KSR2: variants seen among roughly 807,000 people sequenced by gnomAD.
The protein encoded by KSR2 is kinase suppressor of ras 2.
In KSR2, 25 loss-of-function variants were observed where a neutral mutation model predicts 107.8. The observed-to-expected ratio is 0.23, with a 90% CI of 0.17 to 0.32. The LOEUF is 0.32. Ranked by LOEUF, KSR2 falls within the 10% of genes least tolerant of loss-of-function variation. KSR2 has a pLI of 1.00. For missense variants in KSR2, 887 were observed against 1,268.9 expected, an observed-to-expected ratio of 0.70 and a Z score of 4.57; for synonymous variants, 480 against 507.0, an observed-to-expected ratio of 0.95 and a Z score of 0.71.
At chr12:117,469,324 C>T (rs1871304039) in intron 19 of KSR2, among the ~76,000 whole-genome samples, 1 of 152,164 alleles carries the variant, frequency 6.6e-6, no homozygotes, top group Admixed American at 6.5e-5. Context: ...GAGGGGTACT[C>T]TGAATACCTG....
chr12:117,516,801 G>A (rs748669208), intron 14 of KSR2, among the ~76,000 whole-genome samples: 10 of 152,090 alleles, frequency 6.6e-5, no homozygotes, highest in Non-Finnish European at 1.2e-4. Context: ...CAGGGTTGCT[G>A]GTATGAGTCT....
At chr12:117,503,689 G>A (rs1873514674) in intron 14 of KSR2, among the ~76,000 whole-genome samples, 1 of 152,176 alleles carries the variant, frequency 6.6e-6, no homozygotes, top group Non-Finnish European at 1.5e-5. Context: ...TGTCATTGCA[G>A]CACAAGCCTA....
At chr12:117,663,642 G>A (rs1210896664) in intron 5 of KSR2, among the ~76,000 whole-genome samples, 1 of 152,170 alleles carries the variant, frequency 6.6e-6, no homozygotes, top group Non-Finnish European at 1.5e-5. Flanking sequence ...AGACTCAAGA[G>A]GTTAAGTAAT....
intron 5 of KSR2, among the ~76,000 whole-genome samples, chr12:117,603,216 A>AT (rs5801244): frequency 0.29 from 44,400 of 152,092 alleles, 6,513 homozygotes; most frequent in Admixed American, 0.32. Context: ...CTTAGCACAA[A>AT]TTACTAAAGT....
chr12:117,471,844 CTG>C (rs1372490646), intron 17 of KSR2, among the ~76,000 whole-genome samples: 1 of 151,974 alleles, frequency 6.6e-6, no homozygotes, highest in Non-Finnish European at 1.5e-5. Flanking sequence ...GGATATGAGA[CTG>C]TATGTAGGAT....
chr12:117,550,176 A>G (rs1302155073), intron 9 of KSR2, among the ~76,000 whole-genome samples: 1 of 152,244 alleles, frequency 6.6e-6, no homozygotes, highest in Non-Finnish European at 1.5e-5. Context: ...TGAGACTGTA[A>G]GGTGAGAGGA....
chr12:117,959,323 G>T (rs1439472464), intron 1 of KSR2, among the ~76,000 whole-genome samples: 1 of 152,008 alleles, frequency 6.6e-6, no homozygotes, highest in Non-Finnish European at 1.5e-5. Context: ...TTCAAACAAG[G>T]GGACCCCCAT....
intron 1 of KSR2, among the ~76,000 whole-genome samples, chr12:117,927,091 G>A (rs1242003968): frequency 1.3e-5 from 2 of 152,098 alleles, no homozygotes; most frequent in African/African-American, 4.8e-5. Context: ...AAGGACCATG[G>A]CCGGGCACGG....
chr12:117,718,374 A>T (rs1035002279), intron 4 of KSR2, among the ~76,000 whole-genome samples: 1 of 152,212 alleles, frequency 6.6e-6, no homozygotes, highest in South Asian at 2.1e-4. Context: ...CAGCAACACT[A>T]AATTTTAGAC....
intron 4 of KSR2, among the ~76,000 whole-genome samples, chr12:117,681,465 G>A (rs11068624): frequency 0.19 from 28,818 of 151,988 alleles, 3,263 homozygotes; most frequent in South Asian, 0.28. Context: ...GGAATGTCGC[G>A]GAGTCCACAG....
At chr12:117,495,727 C>T (rs887639539) in intron 14 of KSR2, among the ~76,000 whole-genome samples, 9 of 152,206 alleles carry the variant, frequency 5.9e-5, no homozygotes, top group Non-Finnish European at 1.3e-4. Context: ...CTGAGTTCTT[C>T]TCCCCAGAAC....
chr12:117,487,305 G>A (rs60619587), intron 14 of KSR2, among the ~76,000 whole-genome samples: 5,937 of 152,268 alleles, frequency 0.039, 377 homozygotes, highest in African/African-American at 0.13. Context: ...AAATGCCACT[G>A]ATAGCCACCC....
intron 14 of KSR2, among the ~76,000 whole-genome samples, chr12:117,486,696 T>C (rs969661926): frequency 6.6e-6 from 1 of 152,236 alleles, no homozygotes; most frequent in East Asian, 1.9e-4. Flanking sequence ...TTTCCTGTGG[T>C]TGAAGCAAGA....
intron 1 of KSR2, among the ~76,000 whole-genome samples, chr12:117,909,456 C>A (rs1894950835): frequency 6.6e-6 from 1 of 152,210 alleles, no homozygotes; most frequent in South Asian, 2.1e-4. Flanking sequence ...TATCCTCCAG[C>A]ACAATTATCC....
chr12:117,829,147 C>G, intron 3 of KSR2, among the ~76,000 whole-genome samples: 1 of 152,126 alleles, frequency 6.6e-6, no homozygotes, highest in East Asian at 1.9e-4. Context: ...CATATAACCT[C>G]TCACCTCCCT....
intron 3 of KSR2, among the ~76,000 whole-genome samples, chr12:117,806,162 T>C (rs1359253352): frequency 2.0e-5 from 3 of 152,022 alleles, no homozygotes; most frequent in Non-Finnish European, 4.4e-5. Context: ...AGGAGGGAGA[T>C]GAGTATAAGG....
chr12:117,624,041 T>G (rs1281188676), intron 5 of KSR2, among the ~76,000 whole-genome samples: 1 of 152,234 alleles, frequency 6.6e-6, no homozygotes, highest in Non-Finnish European at 1.5e-5. Context: ...TTGAGAAGTG[T>G]CTGTTTATAT....
At chr12:117,948,974 A>G (rs953267180) in intron 1 of KSR2, among the ~76,000 whole-genome samples, 1 of 152,030 alleles carries the variant, frequency 6.6e-6, no homozygotes, top group East Asian at 1.9e-4. Context: ...GGTGCCTGTA[A>G]TCCCAGCTAC....
chr12:117,872,389 C>A (rs1225537149), intron 1 of KSR2, among the ~76,000 whole-genome samples: 3 of 152,022 alleles, frequency 2.0e-5, no homozygotes. Context: ...CATAGCAAGA[C>A]CCCCATCTCC....
Sources: gnomAD v4.1 joint callset for allele counts (sites outside exome capture counted in the v4.1 genomes callset) on GRCh38, gnomAD v4.1.1 for gene constraint, MANE v1.5 for transcripts, NCBI Gene and HGNC (gene_info 2026-07-23, HGNC 2026-07-21) for gene names.